IL6ST: variants seen among roughly 807,000 people sequenced by gnomAD.
IL6ST encodes the protein interleukin 6 cytokine family signal transducer.
Under a neutral mutation model 91.3 loss-of-function variants are expected in IL6ST, and 24 were observed. That is an observed-to-expected ratio of 0.26 (90% CI 0.19 to 0.37). IL6ST has a LOEUF of 0.37. IL6ST is among the 10% of genes least tolerant of loss of function. The pLI is 1.00. For missense variants in IL6ST, 914 were observed against 1,078.5 expected (o/e 0.85, Z 2.14); for synonymous variants, 351 against 373.6 (o/e 0.94, Z 0.70).
chr5:55,940,952 A>C lies in IL6ST; in HGVS notation c.*130T>G. 1 of 879,798 alleles carries C rather than the reference A, an allele frequency of 1.1e-6. No individual in the cohort carries two copies. Among genetic ancestry groups the C allele is most frequent in the Non-Finnish European group, 1.7e-6 (1 of 573,000 alleles). 54.5% of individuals were successfully genotyped at this position (879,798 alleles called of 1,614,324 possible). A position where few individuals can be genotyped will look rare whatever the true frequency, so the allele number is the denominator to read the frequency against. ...AATAGCTCATGTGAAACTTCAGTTC[A>C]TTTTTGTCCTTAAGGGCAAATGATC... On this transcript the variant is annotated 3_prime_UTR_variant, in exon 17 of 17. Coordinates refer to ENST00000381298, the MANE Select transcript of IL6ST (RefSeq NM_002184.4).
chr5:55,969,950 C>T (rs1580837241), intron 3 of IL6ST, 95 bp from the exon 4 acceptor site: 10 of 715,770 alleles, frequency 1.4e-5, no homozygotes, highest in East Asian at 5.0e-5. Flanking sequence ...GTCCCTCAAC[C>T]GTCACTAAAA....
intron 14 of IL6ST, among the ~76,000 whole-genome samples, chr5:55,950,589 C>A (rs1219371961): frequency 7.2e-6 from 1 of 139,706 alleles, no homozygotes; most frequent in Non-Finnish European, 1.6e-5. Context: ...GAAGAAAACA[C>A]CAAAGAACAA....
chr5:55,946,123 TGTAA>T (rs201705880), intron 15 of IL6ST, among the ~76,000 whole-genome samples: 2,625 of 152,266 alleles, frequency 0.017, 57 homozygotes, highest in South Asian at 0.066. Context: ...AAAGAAAATA[TGTAA>T]GTGACACATG....
chr5:55,982,978 A>G (rs1354027411), intron 1 of IL6ST, among the ~76,000 whole-genome samples, 167 bp from the exon 2 acceptor site: 2 of 151,740 alleles, frequency 1.3e-5, no homozygotes, highest in Non-Finnish European at 2.9e-5. Context: ...CACTTGTATA[A>G]GAGTATTCAA....
At chr5:55,984,927 T>C (rs1211752614) in intron 1 of IL6ST, among the ~76,000 whole-genome samples, 1 of 152,178 alleles carries the variant, frequency 6.6e-6, no homozygotes, top group Non-Finnish European at 1.5e-5. Context: ...AGAAGGTAAG[T>C]GAAGAGTGGA....
rs980630825 is a variant in IL6ST at position 55,939,730 on chromosome 5, T to C, written c.*1352A>G. 1 of 208,456 alleles carries C rather than the reference T, an allele frequency of 4.8e-6. No homozygotes were observed. Among genetic ancestry groups the C allele is most frequent in the East Asian group, 7.2e-5 (1 of 13,922 alleles). The allele number at this position is 208,456 out of a possible 1,614,324, so 12.9% of individuals were successfully genotyped here. ...CGTGGTGGTTAGGGGACAGCATAAG[T>C]ACACTAGCGGCTTTAGCACTAAACT... On this transcript the variant is annotated 3_prime_UTR_variant, in exon 17 of 17. Coordinates refer to ENST00000381298, the MANE Select transcript of IL6ST (RefSeq NM_002184.4).
intron 8 of IL6ST, among the ~76,000 whole-genome samples, chr5:55,957,970 A>C (rs1752087664): frequency 6.6e-6 from 1 of 152,252 alleles, no homozygotes; most frequent in South Asian, 2.1e-4. Flanking sequence ...AAGAATAATA[A>C]AACAAATTAA....
intron 15 of IL6ST, among the ~76,000 whole-genome samples, chr5:55,947,096 T>A (rs1490060821): frequency 6.6e-6 from 1 of 151,304 alleles, no homozygotes; most frequent in African/African-American, 2.4e-5. Context: ...CCTAGCTACT[T>A]TGAAGGCTGA....
intron 15 of IL6ST, among the ~76,000 whole-genome samples, chr5:55,945,825 T>C (rs1429660111): frequency 6.6e-6 from 1 of 151,916 alleles, no homozygotes; most frequent in African/African-American, 2.4e-5. Flanking sequence ...TAAGTTTTTG[T>C]ATTTTTAGTA....
At chr5:55,993,127 G>C (rs1458232750) in intron 1 of IL6ST, among the ~76,000 whole-genome samples, 1 of 152,202 alleles carries the variant, frequency 6.6e-6, no homozygotes, top group Non-Finnish European at 1.5e-5. Flanking sequence ...ATTAGGGCCA[G>C]AGAATTCTGA....
chr5:55,968,098 A>AT (rs1444121857), intron 5 of IL6ST, among the ~76,000 whole-genome samples, 178 bp downstream of exon 5: 2 of 152,088 alleles, frequency 1.3e-5, no homozygotes, highest in East Asian at 3.9e-4. Context: ...CGCCTGGGGG[A>AT]TTACAGGCAT....
intron 8 of IL6ST, among the ~76,000 whole-genome samples, chr5:55,958,273 T>C (rs1420531470): frequency 6.6e-6 from 1 of 152,154 alleles, no homozygotes; most frequent in African/African-American, 2.4e-5. Flanking sequence ...AAAACATAAA[T>C]TGTTAAATAC....
At chr5:55,968,680 AT>A (rs1425710984) in intron 4 of IL6ST, among the ~76,000 whole-genome samples, 12 of 152,230 alleles carry the variant, frequency 7.9e-5, no homozygotes, top group African/African-American at 2.9e-4. Context: ...CTGGAAAAAA[AT>A]ATCAACTGAT....
At chr5:55,974,559 A>G (rs1196899002) in intron 3 of IL6ST, among the ~76,000 whole-genome samples, 1 of 152,068 alleles carries the variant, frequency 6.6e-6, no homozygotes, top group Non-Finnish European at 1.5e-5. Flanking sequence ...ATCTTGGCTC[A>G]CTGCAACCTC....
At chr5:55,994,641 T>C (rs980553019) in intron 1 of IL6ST, 143 bp downstream of exon 1, 2 of 152,274 alleles carry the variant, frequency 1.3e-5, no homozygotes, top group Admixed American at 6.6e-5. Flanking sequence ...GGGGAAGGAA[T>C]GTGGGGATTT....
intron 1 of IL6ST, among the ~76,000 whole-genome samples, chr5:55,984,993 C>T (rs767933182): frequency 2.6e-5 from 4 of 152,168 alleles, no homozygotes; most frequent in Admixed American, 6.5e-5. Context: ...GATGATGTGT[C>T]TGTTCAAACA....
intron 11 of IL6ST, 67 bp from the exon 12 acceptor site, chr5:55,952,418 T>C: frequency 2.4e-6 from 2 of 829,442 alleles, no homozygotes; most frequent in Non-Finnish European, 3.9e-6. Context: ...TACCGTAATT[T>C]ATTTTTACAT....
At chr5:55,977,718 C>A (rs1447864472) in intron 2 of IL6ST, among the ~76,000 whole-genome samples, 2 of 151,990 alleles carry the variant, frequency 1.3e-5, no homozygotes, top group Non-Finnish European at 2.9e-5. Flanking sequence ...GCCAGCTACT[C>A]GGGAGGCTGA....
At chr5:55,980,000 G>C (rs942625113) in intron 2 of IL6ST, among the ~76,000 whole-genome samples, 2 of 152,156 alleles carry the variant, frequency 1.3e-5, no homozygotes, top group South Asian at 4.1e-4. Context: ...AAAATACATT[G>C]TTACATTGTT....
Sources: gnomAD v4.1 joint callset for allele counts (sites outside exome capture counted in the v4.1 genomes callset) on GRCh38, gnomAD v4.1.1 for gene constraint, MANE v1.5 for transcripts, NCBI Gene and HGNC (gene_info 2026-07-23, HGNC 2026-07-21) for gene names.